The following AKAP9 variants were observed in gnomAD, a reference collection of about 807,000 sequenced individuals.
AKAP9 encodes A-kinase anchor protein 9.
A neutral mutation model predicts 488.5 loss-of-function variants in AKAP9; 311 were observed. That is an observed-to-expected ratio of 0.64 (90% CI 0.58 to 0.70). The LOEUF (loss-of-function observed/expected upper bound fraction) is 0.70. AKAP9 is among the 30% of genes least tolerant of loss of function. The pLI, the probability that AKAP9 is intolerant of heterozygous loss-of-function variation, is 0.00. For missense variants in AKAP9, 4,215 were observed against 4,374.5 expected, an observed-to-expected ratio of 0.96 and a Z score of 1.03; for synonymous variants, 1,462 against 1,483.5, an observed-to-expected ratio of 0.99 and a Z score of 0.33.
chr7:92,038,412 T>C lies in AKAP9; in HGVS notation c.4339-7T>C. ...TAATCCTTTATTGTTTGCTTTTATT[T>C]CTTTAGGTTATTGTGTCAATGAGTA... is the stretch of plus-strand genomic sequence containing the variant. On this transcript the variant is annotated splice_region_variant and splice_polypyrimidine_tract_variant and intron_variant, in intron 16 of 49. Coordinates refer to ENST00000356239, the MANE Select transcript of AKAP9 (RefSeq NM_005751.5). 6.3e-7 allele frequency: 1 copy of C among 1,599,536 alleles called. No individual in the cohort carries two copies. The highest frequency in any genetic ancestry group is 8.6e-7 in the Non-Finnish European group (1 of 1,167,130).
Position 91,951,125 on chromosome 7 carries a change from C to T in AKAP9, c.48+9978C>T, listed in dbSNP as rs375195203. 6.6e-5 allele frequency among the ~76,000 whole-genome samples: 10 copies of T among 151,316 alleles called. 1 individual carries two copies. The highest frequency in any genetic ancestry group is 1.2e-4 in the African/African-American group (5 of 41,318). On this transcript the variant is annotated intron_variant, in intron 1 of 49. Coordinates refer to ENST00000356239, the MANE Select transcript of AKAP9 (RefSeq NM_005751.5). The stretch of plus-strand genomic sequence containing the variant: ...GTTTTTTTTTTAGTTGAGAAGAATG[C>T]GTAATTTTTTAATAAATTCAAAGGG...
At chr7:91,970,582 A>G in intron 1 of AKAP9, 1 of 439,756 alleles carries the variant, frequency 2.3e-6, no homozygotes, top group South Asian at 1.7e-5. Flanking sequence ...TATTTGAAGG[A>G]TAGCTTTGCT....
At chr7:92,043,708 G>T (rs1293263309) in intron 20 of AKAP9, among the ~76,000 whole-genome samples, 1 of 152,078 alleles carries the variant, frequency 6.6e-6, no homozygotes. Context: ...CAGAGAACTT[G>T]ATCTAGGTGC....
At chr7:92,018,999 T>A (rs1801941322) in intron 12 of AKAP9, among the ~76,000 whole-genome samples, 1 of 152,246 alleles carries the variant, frequency 6.6e-6, no homozygotes, top group African/African-American at 2.4e-5. Context: ...TTGGGGATTG[T>A]CTTAGATAGT....
chr7:91,993,159 T>C (rs879674589), intron 5 of AKAP9, 104 bp downstream of exon 5: 2 of 1,270,160 alleles, frequency 1.6e-6, no homozygotes, highest in Non-Finnish European at 2.2e-6. Context: ...AATTTTTTTT[T>C]AACTTTTTTC....
rs1157681456 is a variant in AKAP9, at chr7:92,097,141, A to G, written c.10182A>G (p.Glu3394=). Residue 3394 remains glutamate (E), a synonymous_variant, in exon 41 of 50, where the codon GAA becomes GAG. Transcript: ENST00000356239. ...TTCACAGGAAAACACTGCAGACAGA[A>G]CAGGAGGCCAACACTGAGGGACAGA... ...RQVHRKTLQT[E]QEANTEGQKK... is the part of the protein sequence containing the mutation. 1 of 1,614,256 alleles carries G rather than the reference A, an allele frequency of 6.2e-7. No homozygotes were observed. Among genetic ancestry groups the G allele is most frequent in the Admixed American group, 1.7e-5 (1 of 60,030 alleles).
At position 92,097,847 on chromosome 7, in the gene AKAP9, A is replaced by AC. The variant is rs1584547825; in HGVS notation, c.10607+57dup. 2.6e-6 allele frequency: 4 copies of AC among 1,558,480 alleles called. No homozygotes were observed. In the East Asian group the frequency reaches 9.0e-5, roughly 35 times the overall value. On this transcript the variant is annotated intron_variant, in intron 42 of 49. Coordinates refer to ENST00000356239, the MANE Select transcript of AKAP9 (RefSeq NM_005751.5). ...AAAGTAGTATTCTTAGGCTGGGTAGACCCCATGCCTCTGGGACAGCTAGCC... is the reference window on the plus strand; with the variant it reads ...AAAGTAGTATTCTTAGGCTGGGTAGACCCCCATGCCTCTGGGACAGCTAGCC...
At chr7:92,039,882 G>A (rs1236835682) in intron 17 of AKAP9, among the ~76,000 whole-genome samples, 6 of 152,204 alleles carry the variant, frequency 3.9e-5, no homozygotes, top group Admixed American at 2.0e-4. Flanking sequence ...GGCTGAGGCA[G>A]AGGAATCACT....
intron 14 of AKAP9, among the ~76,000 whole-genome samples, chr7:92,027,426 C>G (rs922612172): frequency 3.4e-5 from 5 of 146,326 alleles, no homozygotes; most frequent in Non-Finnish European, 7.5e-5. Context: ...GCGCCTCTGC[C>G]CGGCCGCCCT....
At chr7:92,093,666 A>G (rs188154009) in intron 39 of AKAP9, among the ~76,000 whole-genome samples, 37 of 152,310 alleles carry the variant, frequency 2.4e-4, no homozygotes, top group Non-Finnish European at 5.0e-4. Context: ...TTGAAGAGAC[A>G]ATGCTTGTTA....
chr7:91,966,579 C>T (rs898853080), intron 1 of AKAP9, among the ~76,000 whole-genome samples: 14 of 152,242 alleles, frequency 9.2e-5, no homozygotes, highest in African/African-American at 3.4e-4. Flanking sequence ...TGTAGTTTAA[C>T]TCTGATGTTT....
intron 3 of AKAP9, 132 bp from the exon 4 acceptor site, chr7:91,992,026 A>G (rs1251503118): frequency 4.1e-6 from 3 of 740,058 alleles, no homozygotes; most frequent in African/African-American, 3.5e-5. Context: ...TAATCTCTGT[A>G]TCTGTTTTCG....
intron 44 of AKAP9, among the ~76,000 whole-genome samples, chr7:92,100,250 T>G (rs912161397): frequency 6.6e-6 from 1 of 152,238 alleles, no homozygotes; most frequent in Non-Finnish European, 1.5e-5. Context: ...CTGACTGTTC[T>G]CTTCATTTAA....
rs750100081 is a variant in AKAP9, at chr7:92,040,869, ATTAAGAGAC to A, written c.4893_4901del (p.Lys1631_Leu1633del). ...AGACCAGGAACAGCTACAAGAAGAGATTAAGAGACTTAATAGACAATTAGCCCAGGTAAG... is the reference window on the plus strand; with the variant it reads ...AGACCAGGAACAGCTACAAGAAGAGATTAATAGACAATTAGCCCAGGTAAG... On this transcript the variant is annotated inframe_deletion, in exon 18 of 50. Coordinates refer to ENST00000356239, the MANE Select transcript of AKAP9 (RefSeq NM_005751.5). 6.2e-7 allele frequency: 1 copy of A among 1,613,740 alleles called. No homozygotes were observed. Among genetic ancestry groups the A allele is most frequent in the South Asian group, 1.1e-5 (1 of 91,018 alleles).
chr7:92,094,997 GA>G, intron 39 of AKAP9, 25 bp from the exon 40 acceptor site: 2 of 1,611,852 alleles, frequency 1.2e-6, no homozygotes, highest in Non-Finnish European at 8.5e-7. Context: ...TAGCTTTATG[GA>G]AATTCATTTG....
At chr7:91,985,045 C>A (rs939353441) in intron 3 of AKAP9, among the ~76,000 whole-genome samples, 1 of 152,206 alleles carries the variant, frequency 6.6e-6, no homozygotes, top group Non-Finnish European at 1.5e-5. Context: ...AATATACAAT[C>A]ATGTCATCTG....
chr7:91,947,504 G>A (rs1025162110), intron 1 of AKAP9, among the ~76,000 whole-genome samples: 1 of 151,994 alleles, frequency 6.6e-6, no homozygotes, highest in Admixed American at 6.6e-5. Context: ...CACCACACCC[G>A]GCTAGGTTTT....
intron 26 of AKAP9, 37 bp downstream of exon 26, chr7:92,066,583 T>C (rs762823601): frequency 6.2e-7 from 1 of 1,610,408 alleles, no homozygotes; most frequent in Non-Finnish European, 8.5e-7. Flanking sequence ...CTTACAGTAA[T>C]TTGTATCAAG....
intron 29 of AKAP9, 22 bp downstream of exon 29, chr7:92,077,029 T>C: frequency 1.4e-6 from 2 of 1,443,204 alleles, no homozygotes; most frequent in African/African-American, 1.4e-5. Context: ...AGAAAAACTT[T>C]TATCTGTAAA....
Sources: gnomAD v4.1 joint callset for allele counts (sites outside exome capture counted in the v4.1 genomes callset) on GRCh38, gnomAD v4.1.1 for gene constraint, MANE v1.5 for transcripts, NCBI Gene and HGNC (gene_info 2026-07-23, HGNC 2026-07-21) for gene names.